ANKMY2: variants seen among roughly 807,000 people sequenced by gnomAD.
The protein encoded by ANKMY2 is ankyrin repeat and MYND domain-containing protein 2.
Under a neutral mutation model 50.4 loss-of-function variants are expected in ANKMY2, and 36 were observed. That is an observed-to-expected ratio of 0.71 (90% CI 0.55 to 0.94). The LOEUF is 0.94. Ranked by LOEUF, ANKMY2 falls within the 40% of genes least tolerant of loss-of-function variation. The pLI, the probability that ANKMY2 is intolerant of heterozygous loss-of-function variation, is 0.00. For synonymous variants in ANKMY2, 187 were observed against 178.8 expected (o/e 1.05, Z -0.36); for missense variants, 565 against 524.0 (o/e 1.08, Z -0.76).
At chr7:16,635,215 A>T (rs1781641225) in intron 2 of ANKMY2, among the ~76,000 whole-genome samples, 1 of 152,230 alleles carries the variant, frequency 6.6e-6, no homozygotes, top group African/African-American at 2.4e-5. Flanking sequence ...AGCATGGGTG[A>T]ATCTCTATGC....
At chr7:16,622,318 A>C (rs1242939102) in intron 4 of ANKMY2, among the ~76,000 whole-genome samples, 1 of 152,218 alleles carries the variant, frequency 6.6e-6, no homozygotes, top group African/African-American at 2.4e-5. Flanking sequence ...AATGAGGGGA[A>C]AGTAAGTTCA....
chr7:16,626,305 A>G (rs542644310), intron 3 of ANKMY2, among the ~76,000 whole-genome samples: 1 of 152,290 alleles, frequency 6.6e-6, no homozygotes, highest in African/African-American at 2.4e-5. Context: ...ATTTCACAAT[A>G]TAATCTTTTA....
At chr7:16,637,701 G>C (rs1158896475) in intron 1 of ANKMY2, among the ~76,000 whole-genome samples, 1 of 152,186 alleles carries the variant, frequency 6.6e-6, no homozygotes, top group Admixed American at 6.5e-5. Flanking sequence ...CTTCTCATCA[G>C]AGACTTTCTC....
At chr7:16,601,916 G>T (rs1196709745) in intron 9 of ANKMY2, among the ~76,000 whole-genome samples, 6 of 152,144 alleles carry the variant, frequency 3.9e-5, no homozygotes, top group South Asian at 2.1e-4. Context: ...TATTAGATCT[G>T]CAATTTAATG....
chr7:16,627,081 T>G lies in ANKMY2; in HGVS notation c.230A>C (p.His77Pro). The change falls in exon 3 of 10, where the codon CAT becomes CCT. Residue 77 changes from histidine (H) to proline (P), a missense_variant. Physicochemically the swap from His to Pro is moderately conservative, Grantham distance 77 (BLOSUM62 -2). Transcript: ENST00000306999. The stretch of plus-strand genomic sequence containing the variant: ...CATGAGGGCTGTGTATCCATGTTCA[T>G]GCTGATGACAATTTACATCGGCTCC... Reference protein sequence around the residue: ...RHGADVNCHQHEHGYTALMFA... With the variant: ...RHGADVNCHQPEHGYTALMFA... The G allele has an allele frequency of 6.2e-7, 1 of 1,612,200 alleles. No individual in the cohort carries two copies. Among genetic ancestry groups the G allele is most frequent in the Non-Finnish European group, 8.5e-7 (1 of 1,179,072 alleles).
At chr7:16,606,382 T>C (rs1365512797) in intron 7 of ANKMY2, among the ~76,000 whole-genome samples, 6 of 151,896 alleles carry the variant, frequency 4.0e-5, no homozygotes, top group Non-Finnish European at 7.4e-5. Context: ...TAAGCCGAGA[T>C]CGTGTCACTA....
intron 5 of ANKMY2, among the ~76,000 whole-genome samples, chr7:16,611,994 C>T (rs932539886): frequency 6.6e-6 from 1 of 152,184 alleles, no homozygotes; most frequent in African/African-American, 2.4e-5. Flanking sequence ...ATAAATTTTA[C>T]TCCACTCACT....
chr7:16,644,376 C>T (rs1193767391), intron 1 of ANKMY2, among the ~76,000 whole-genome samples: 2 of 152,192 alleles, frequency 1.3e-5, no homozygotes, highest in East Asian at 3.8e-4. Context: ...CGGGTGGGCT[C>T]AGCTCATCAG....
Position 16,624,535 on chromosome 7 carries a change from T to C in ANKMY2, c.370+448A>G, listed in dbSNP as rs1781483155. On this transcript the variant is annotated intron_variant, in intron 4 of 9. Transcript: ENST00000306999. Reference sequence around the variant, plus strand: ...CTAATACCATTTATTTAGTGTTACATGGAAAGTTCAAGTCTATCACCTCTT... The same window carrying C: ...CTAATACCATTTATTTAGTGTTACACGGAAAGTTCAAGTCTATCACCTCTT... Among the ~76,000 whole-genome samples the C allele has an allele frequency of 2.0e-5, 3 of 152,340 alleles. No individual in the cohort carries two copies. The South Asian group carries it at 6.2e-4, about 32-fold the overall frequency.
chr7:16,622,340 C>G (rs1781447174), intron 4 of ANKMY2, among the ~76,000 whole-genome samples: 1 of 152,316 alleles, frequency 6.6e-6, no homozygotes, highest in Middle Eastern at 3.4e-3. Context: ...AATGTACCAT[C>G]TTTTTAACTA....
At position 16,600,612 on chromosome 7, in the gene ANKMY2, A is replaced by G. The variant is rs771838933; in HGVS notation, c.*149T>C. Reference sequence around the variant, plus strand: ...AATAGGAAATTAGGGCATGGTCAACAGGGGTTTGCTTGAAAACCTGTATTC... The same window carrying G: ...AATAGGAAATTAGGGCATGGTCAACGGGGGTTTGCTTGAAAACCTGTATTC... On this transcript the variant is annotated 3_prime_UTR_variant, in exon 10 of 10. Coordinates refer to ENST00000306999, the MANE Select transcript of ANKMY2 (RefSeq NM_020319.3). 20 of 527,952 alleles carry G rather than the reference A, an allele frequency of 3.8e-5. No individual in the cohort carries two copies. The highest frequency in any genetic ancestry group is 2.1e-5 in the Non-Finnish European group (7 of 333,738). The allele number at this position is 527,952 out of a possible 1,614,324, so 32.7% of individuals were successfully genotyped here.
intron 2 of ANKMY2, among the ~76,000 whole-genome samples, chr7:16,627,839 C>T (rs1225509870): frequency 7.7e-6 from 1 of 129,100 alleles, no homozygotes; most frequent in African/African-American, 2.7e-5. Context: ...GGTCAAATCA[C>T]ACATATATTT....
At position 16,609,628 on chromosome 7, in the gene ANKMY2, A is replaced by G; in HGVS notation, c.882+2T>C. ...AGTCAACTTAGGTAAGAGGAGCCTT[A>G]CAATTTCAACAGGAGCAATGCTTCG... On this transcript the variant is annotated splice_donor_variant, in intron 7 of 9. Transcript: ENST00000306999. LOFTEE classifies it high-confidence loss of function. 8 of 1,597,832 alleles carry G rather than the reference A, an allele frequency of 5.0e-6. No homozygotes were observed. Among genetic ancestry groups the G allele is most frequent in the Non-Finnish European group, 6.0e-6 (7 of 1,175,512 alleles).
intron 5 of ANKMY2, among the ~76,000 whole-genome samples, chr7:16,613,920 CA>C (rs143274762): frequency 0.014 from 1,546 of 111,870 alleles, 19 homozygotes; most frequent in African/African-American, 0.04. Flanking sequence ...GACCCTATCT[CA>C]AAAAAAAAAA....
intron 2 of ANKMY2, among the ~76,000 whole-genome samples, chr7:16,634,450 T>C (rs1334518360): frequency 6.6e-6 from 1 of 152,066 alleles, no homozygotes; most frequent in African/African-American, 2.4e-5. Flanking sequence ...ATTGAGGCGA[T>C]GGAGTTGAGC....
At chr7:16,622,038 GAAGAAGA>G (rs1443961365) in intron 4 of ANKMY2, among the ~76,000 whole-genome samples, 3 of 151,462 alleles carry the variant, frequency 2.0e-5, no homozygotes, top group Non-Finnish European at 4.4e-5. Flanking sequence ...TAAAAAAGAA[GAAGAAGA>G]AAGAAGGAAG....
intron 4 of ANKMY2, among the ~76,000 whole-genome samples, chr7:16,622,372 A>C (rs552670056): frequency 6.6e-6 from 1 of 152,310 alleles, no homozygotes; most frequent in South Asian, 2.1e-4. Flanking sequence ...AAAATCAAAG[A>C]ATGGTAATAC....
intron 4 of ANKMY2, among the ~76,000 whole-genome samples, chr7:16,617,630 A>T (rs868016915): frequency 2.6e-5 from 4 of 152,304 alleles, no homozygotes; most frequent in Non-Finnish European, 4.4e-5. Flanking sequence ...AGGCAAACTG[A>T]AAGAGGTGAT....
intron 2 of ANKMY2, among the ~76,000 whole-genome samples, chr7:16,634,473 C>T (rs1026742540): frequency 1.3e-5 from 2 of 152,134 alleles, no homozygotes; most frequent in Non-Finnish European, 2.9e-5. Flanking sequence ...CCAGGGTCAC[C>T]AAGTTGGCTT....
Sources: allele counts gnomAD v4.1 joint callset (sites outside exome capture counted in the v4.1 genomes callset), GRCh38; gene constraint gnomAD v4.1.1; transcripts MANE v1.5; gene names NCBI Gene and HGNC (gene_info 2026-07-23, HGNC 2026-07-21).